Variants in MTOR observed in about 807,000 individuals in gnomAD.
MTOR encodes serine/threonine-protein kinase mTOR.
In MTOR, 70 loss-of-function variants were observed where a neutral mutation model predicts 319.8. That is an observed-to-expected ratio of 0.22 (90% CI 0.18 to 0.27). The LOEUF is 0.27. Ranked by LOEUF, MTOR falls within the 10% of genes least tolerant of loss-of-function variation. The probability of loss-of-function intolerance (pLI) is 1.00; values close to 1 mark genes in which losing one functional copy is unlikely to be tolerated. For missense variants in MTOR, 1,890 were observed against 3,274.4 expected, an observed-to-expected ratio of 0.58 and a Z score of 10.32; for synonymous variants, 1,183 against 1,211.4, an observed-to-expected ratio of 0.98 and a Z score of 0.49.
chr1:11,224,659 AACC>A (rs1319643961), intron 19 of MTOR, among the ~76,000 whole-genome samples: 37 of 152,242 alleles, frequency 2.4e-4, no homozygotes, highest in Non-Finnish European at 4.4e-5. Context: ...AAAATCAATC[AACC>A]ACTAGACCAT....
At chr1:11,232,099 T>C (rs1647037495) in intron 16 of MTOR, among the ~76,000 whole-genome samples, 1 of 152,206 alleles carries the variant, frequency 6.6e-6, no homozygotes, top group South Asian at 2.1e-4. Flanking sequence ...TGGGCAAGGA[T>C]GAGCTAAACT....
chr1:11,248,155 T>C (rs1302930346), intron 6 of MTOR, 61 bp from the exon 7 acceptor site: 4 of 1,493,298 alleles, frequency 2.7e-6, no homozygotes, highest in Non-Finnish European at 3.6e-6. Context: ...AACTGGGCAC[T>C]GTGGATTCTA....
At chr1:11,149,914 A>G (rs1644078979) in intron 31 of MTOR, among the ~76,000 whole-genome samples, 1 of 152,154 alleles carries the variant, frequency 6.6e-6, no homozygotes, top group Non-Finnish European at 1.5e-5. Flanking sequence ...TGGCCTCCCC[A>G]CGAAGATCCA....
At position 11,138,765 on chromosome 1, in the gene MTOR, C is replaced by A. The variant is rs369736267; in HGVS notation, c.5130+539G>T. On this transcript the variant is annotated intron_variant, in intron 36 of 57. Transcript: ENST00000361445. ...CAGGCAGATTGTTTAAAGAAAAAAA[C>A]CCCCAAACCAGGAGCCACATCTATT... 6.6e-5 allele frequency among the ~76,000 whole-genome samples: 10 copies of A among 152,286 alleles called. No homozygotes were observed. In the East Asian group the frequency reaches 9.6e-4, roughly 15 times the overall value.
intron 28 of MTOR, among the ~76,000 whole-genome samples, chr1:11,190,582 C>T (rs1334941744): frequency 6.6e-6 from 1 of 152,094 alleles, no homozygotes; most frequent in East Asian, 1.9e-4. Context: ...ATGAATTTCT[C>T]CGAATACAGG....
At chr1:11,150,791 G>A (rs1347823517) in intron 30 of MTOR, among the ~76,000 whole-genome samples, 1 of 152,162 alleles carries the variant, frequency 6.6e-6, no homozygotes, top group African/African-American at 2.4e-5. Flanking sequence ...AGGACTATGA[G>A]ATATTGAGAT....
rs1274889046 is a variant in MTOR, at chr1:11,145,196, C to T, written c.4687-151G>A. 3 of 669,620 alleles carry T rather than the reference C, an allele frequency of 4.5e-6. No homozygotes were observed. The South Asian group carries it at 5.5e-5, about 12-fold the overall frequency. 41.5% of individuals were successfully genotyped at this position (669,620 alleles called of 1,614,324 possible). A position where few individuals can be genotyped will look rare whatever the true frequency, so the allele number is the denominator to read the frequency against. The stretch of plus-strand genomic sequence containing the variant: ...GCTGAAGAAGGGCATTTTCCCAGAA[C>T]TGAATGGCTTGAGAGGAGGTATTAT... On this transcript the variant is annotated intron_variant, in intron 32 of 57. Transcript: ENST00000361445.
intron 21 of MTOR, among the ~76,000 whole-genome samples, 197 bp from the exon 22 acceptor site, chr1:11,213,105 T>A (rs1322584626): frequency 6.6e-6 from 1 of 152,270 alleles, no homozygotes; most frequent in Non-Finnish European, 1.5e-5. Context: ...TTGCTTTCTC[T>A]GTGCTTATTT....
rs1557505881 is a variant in MTOR, at chr1:11,262,529, C to G, written c.-99G>C. 2.0e-5 allele frequency: 3 copies of G among 152,608 alleles called. No homozygotes were observed. The highest frequency in any genetic ancestry group is 4.4e-5 in the Non-Finnish European group (3 of 68,332). 9.5% of individuals were successfully genotyped at this position (152,608 alleles called of 1,614,324 possible). A position where few individuals can be genotyped will look rare whatever the true frequency, so the allele number is the denominator to read the frequency against. On this transcript the variant is annotated 5_prime_UTR_variant, in exon 1 of 58. Coordinates refer to ENST00000361445, the MANE Select transcript of MTOR (RefSeq NM_004958.4). ...CCCCCTGCCCCACCGCCCGCCTTCC[C>G]CGCTGTCCTCTAAGCCGGGAGCGAG...
chr1:11,151,522 C>T (rs1375498575), intron 30 of MTOR, among the ~76,000 whole-genome samples: 1 of 152,034 alleles, frequency 6.6e-6, no homozygotes, highest in Non-Finnish European at 1.5e-5. Flanking sequence ...CATCAGAATC[C>T]CCTGGAAGGC....
In MTOR at chr1:11,130,564, G is replaced by A. The variant is rs2100430057; in HGVS notation, c.5578C>T (p.Pro1860Ser). The A allele has an allele frequency of 6.2e-7, 1 of 1,613,550 alleles. No homozygotes were observed. Among genetic ancestry groups the A allele is most frequent in the Non-Finnish European group, 8.5e-7 (1 of 1,180,000 alleles). ...TTCTTCTGCAGCGGCGATGGGGTGG[G>A]GCTGTTCTCGGTGCTCTCGGCCTCG... ...ESEAESTENS[P>S]TPSPLQKKVT... Residue 1860 changes from proline to serine, a missense_variant, in exon 39 of 58, where the codon CCC becomes TCC. Around this residue, in one of 15 missense-constraint regions of MTOR, gnomAD observed 91 missense variants for 90.4 expected, o/e 1.01. Coordinates refer to ENST00000361445, the MANE Select transcript of MTOR (RefSeq NM_004958.4).
intron 25 of MTOR, among the ~76,000 whole-genome samples, chr1:11,205,682 T>C (rs1055027032): frequency 2.6e-5 from 4 of 152,236 alleles, no homozygotes; most frequent in Non-Finnish European, 1.5e-5. Flanking sequence ...CTAAATGGCT[T>C]AGCCGGAATA....
At chr1:11,214,148 A>G (rs1439170207) in intron 20 of MTOR, among the ~76,000 whole-genome samples, 1 of 152,220 alleles carries the variant, frequency 6.6e-6, no homozygotes, top group African/African-American at 2.4e-5. Context: ...TTACTTTGGT[A>G]TCACCTGATC....
chr1:11,221,081 G>A (rs1402165450), intron 19 of MTOR, among the ~76,000 whole-genome samples: 1 of 151,440 alleles, frequency 6.6e-6, no homozygotes, highest in Non-Finnish European at 1.5e-5. Flanking sequence ...TGCAACCTCT[G>A]TCTCCCGGGT....
intron 28 of MTOR, among the ~76,000 whole-genome samples, chr1:11,180,201 AGCCTGGAATGTGTTTT>A (rs987932223): frequency 2.0e-5 from 3 of 152,098 alleles, no homozygotes; most frequent in Admixed American, 6.5e-5. Context: ...CACTGCACCC[AGCCTGGAATGTGTTTT>A]GCTGTGAGCA....
At chr1:11,144,441 G>C (rs150116891) in intron 34 of MTOR, 1 of 527,090 alleles carries the variant, frequency 1.9e-6, no homozygotes, top group East Asian at 2.9e-5. Context: ...AGAATAAGAA[G>C]AGACTGGAAA....
At chr1:11,147,362 C>G (rs1241290537) in intron 31 of MTOR, among the ~76,000 whole-genome samples, 1 of 152,176 alleles carries the variant, frequency 6.6e-6, no homozygotes, top group East Asian at 1.9e-4. Context: ...GGCTAGGTCA[C>G]AGCACAGTGC....
In MTOR at chr1:11,212,510, T is replaced by C. The variant is rs1334794904; in HGVS notation, c.3399-36A>G. On this transcript the variant is annotated intron_variant, in intron 22 of 57. Coordinates refer to ENST00000361445, the MANE Select transcript of MTOR (RefSeq NM_004958.4). This position sits in a 1 kb window ranked among gnomAD's most constrained non-coding sequence, Gnocchi z 4.1. ...CACTAACATACAGTAACTGCTAACA[T>C]ACAATCTCCAAGGAAGAGACGTGAC... 1.9e-6 allele frequency: 3 copies of C among 1,599,186 alleles called. No individual in the cohort carries two copies. Among genetic ancestry groups the C allele is most frequent in the Non-Finnish European group, 2.6e-6 (3 of 1,172,996 alleles).
chr1:11,148,997 C>T (rs1644044546), intron 31 of MTOR, among the ~76,000 whole-genome samples: 2 of 152,050 alleles, frequency 1.3e-5, no homozygotes, highest in Non-Finnish European at 1.5e-5. Flanking sequence ...AACTCCCAGG[C>T]TCAAGTGATC....
Sources: gnomAD v4.1 joint callset for allele counts (sites outside exome capture counted in the v4.1 genomes callset) on GRCh38, gnomAD v4.1.1 for gene constraint, gnomAD v4.1.1 regional missense constraint, Gnocchi (gnomAD v3.1) non-coding constraint, MANE v1.5 for transcripts, NCBI Gene and HGNC (gene_info 2026-07-23, HGNC 2026-07-21) for gene names.